Variants in NKAIN3 observed in about 807,000 individuals in gnomAD.
NKAIN3 encodes the protein sodium/potassium transporting ATPase interacting 3.
Under a neutral mutation model 30.2 loss-of-function variants are expected in NKAIN3, and 25 were observed. The ratio of observed to expected loss-of-function variants is 0.83; its 90% confidence interval spans 0.60 to 1.16. NKAIN3 has a LOEUF of 1.16. NKAIN3 is among the 50% of genes most tolerant of loss of function. The probability of loss-of-function intolerance (pLI) is 0.00; values close to 1 mark genes in which losing one functional copy is unlikely to be tolerated. For missense variants in NKAIN3, 225 were observed against 254.1 expected, an observed-to-expected ratio of 0.89 and a Z score of 0.78; for synonymous variants, 91 against 89.6, an observed-to-expected ratio of 1.02 and a Z score of -0.09.
At chr8:62,328,871 A>G (rs1815239317) in intron 1 of NKAIN3, among the ~76,000 whole-genome samples, 1 of 152,114 alleles carries the variant, frequency 6.6e-6, no homozygotes, top group Non-Finnish European at 1.5e-5. Flanking sequence ...GTCTCCTGCT[A>G]CACACCCTTG....
At chr8:62,669,497 A>G (rs891601363) in intron 3 of NKAIN3, among the ~76,000 whole-genome samples, 20 of 152,170 alleles carry the variant, frequency 1.3e-4, no homozygotes, top group South Asian at 2.1e-4. Flanking sequence ...CACATCTTCT[A>G]AATTATTTTA....
chr8:62,271,039 G>T (rs372770986), intron 1 of NKAIN3, among the ~76,000 whole-genome samples: 1 of 152,092 alleles, frequency 6.6e-6, no homozygotes, highest in African/African-American at 2.4e-5. Flanking sequence ...ACATTTCTCA[G>T]TATAAACCAA....
chr8:62,990,799 C>T (rs973701670), intron 5 of NKAIN3: 1 of 152,188 alleles, frequency 6.6e-6, no homozygotes, highest in East Asian at 1.9e-4. Context: ...TAGACCTTTT[C>T]TCATTGTAAA....
intron 1 of NKAIN3, among the ~76,000 whole-genome samples, chr8:62,288,712 G>A (rs550883750): frequency 2.6e-5 from 4 of 152,312 alleles, no homozygotes; most frequent in Admixed American, 6.5e-5. Context: ...ACGTGTGCAT[G>A]TGTCTTTATA....
chr8:62,916,695 G>A (rs2130855997), intron 4 of NKAIN3, among the ~76,000 whole-genome samples: 1 of 152,236 alleles, frequency 6.6e-6, no homozygotes, highest in East Asian at 1.9e-4. Flanking sequence ...ATTTCAACTT[G>A]CAGATTTGCA....
At chr8:62,800,172 A>C (rs1339088588) in intron 4 of NKAIN3, among the ~76,000 whole-genome samples, 1 of 152,202 alleles carries the variant, frequency 6.6e-6, no homozygotes, top group African/African-American at 2.4e-5. Flanking sequence ...GTAACCAAAC[A>C]CTACCCGTTC....
chr8:62,752,596 G>GA (rs932119181), intron 4 of NKAIN3, among the ~76,000 whole-genome samples: 2 of 152,062 alleles, frequency 1.3e-5, no homozygotes, highest in African/African-American at 2.4e-5. Flanking sequence ...ATATTTTCAT[G>GA]AAAAAATATC....
chr8:62,866,890 C>CAAAAAAAAAAA (rs59832626), intron 4 of NKAIN3, among the ~76,000 whole-genome samples: 1 of 125,854 alleles, frequency 7.9e-6, no homozygotes, highest in African/African-American at 3.1e-5. Context: ...ACTAAAAATA[C>CAAAAAAAAAAA]AAAAAAAAAA....
At chr8:62,898,208 T>C (rs1484837356) in intron 4 of NKAIN3, among the ~76,000 whole-genome samples, 1 of 136,386 alleles carries the variant, frequency 7.3e-6, no homozygotes, top group Non-Finnish European at 1.6e-5. Context: ...GTTTGGGCAA[T>C]AAGAAAATGG....
intron 4 of NKAIN3, among the ~76,000 whole-genome samples, chr8:62,869,837 G>A (rs575738674): frequency 1.3e-5 from 2 of 151,888 alleles, no homozygotes; most frequent in Non-Finnish European, 2.9e-5. Context: ...GCGCGATCTC[G>A]GCTCACTGCA....
At chr8:62,271,216 C>T (rs751513499) in intron 1 of NKAIN3, among the ~76,000 whole-genome samples, 4 of 152,188 alleles carry the variant, frequency 2.6e-5, no homozygotes, top group Non-Finnish European at 5.9e-5. Context: ...GTGACCCAAA[C>T]TTTCAACAAA....
chr8:62,976,644 A>G lies in NKAIN3; in HGVS notation c.*11237A>G, dbSNP rs1295218526. On this transcript the variant is annotated 3_prime_UTR_variant, in exon 7 of 7. Coordinates refer to ENST00000623646, the MANE Select transcript of NKAIN3 (RefSeq NM_001304533.3). Reference sequence around the variant, plus strand: ...GTTTTGACTCTTTATCCAATTTGCCAGTCTGTGCCTTTTAATTGGGGCATT... The same window carrying G: ...GTTTTGACTCTTTATCCAATTTGCCGGTCTGTGCCTTTTAATTGGGGCATT... Among the ~76,000 whole-genome samples the G allele has an allele frequency of 6.6e-6, 1 of 152,174 alleles. No individual in the cohort carries two copies. Among genetic ancestry groups the G allele is most frequent in the Non-Finnish European group, 1.5e-5 (1 of 68,022 alleles).
In NKAIN3 at chr8:62,864,116, C is replaced by T. The variant is rs113469260; in HGVS notation, c.472-54337C>T. 1.5e-3 allele frequency: 954 copies of T among 627,184 alleles called. 13 individuals carry two copies. In the African/African-American group the frequency reaches 0.016, roughly 10 times the overall value. The allele number at this position is 627,184 out of a possible 1,614,324, so 38.9% of individuals were successfully genotyped here. On this transcript the variant is annotated intron_variant, in intron 4 of 6. Transcript: ENST00000623646. The stretch of plus-strand genomic sequence containing the variant: ...CGCAAGCGGGGCTACAGGGGCTTCG[C>T]GGAGGTGATGGCGACGCGAGCGCGG...
chr8:62,760,337 T>TGCAGCA (rs1400749854), intron 4 of NKAIN3, among the ~76,000 whole-genome samples: 2 of 152,176 alleles, frequency 1.3e-5, no homozygotes, highest in East Asian at 3.9e-4. Flanking sequence ...GTATGTTTAT[T>TGCAGCA]GCAGCACTAT....
chr8:62,507,328 C>T (rs1041803151), intron 1 of NKAIN3, among the ~76,000 whole-genome samples: 8 of 152,132 alleles, frequency 5.3e-5, no homozygotes, highest in Admixed American at 3.9e-4. Context: ...ACAACGTAAT[C>T]AGTACCTCAG....
At chr8:62,306,028 T>C (rs1814226878) in intron 1 of NKAIN3, among the ~76,000 whole-genome samples, 1 of 150,472 alleles carries the variant, frequency 6.6e-6, no homozygotes, top group Admixed American at 6.6e-5. Flanking sequence ...TCTTGAACTA[T>C]TAATGTTTCT....
chr8:62,744,534 A>T (rs1563542359), intron 3 of NKAIN3, among the ~76,000 whole-genome samples: 1 of 152,228 alleles, frequency 6.6e-6, no homozygotes, highest in East Asian at 1.9e-4. Flanking sequence ...AAGGAATGGA[A>T]ATCGCTATGA....
intron 1 of NKAIN3, among the ~76,000 whole-genome samples, chr8:62,520,882 A>C (rs77395853): frequency 0.017 from 2,587 of 151,932 alleles, 65 homozygotes; most frequent in African/African-American, 0.059. Context: ...AAATGTCACA[A>C]AAATTATTTT....
intron 5 of NKAIN3, among the ~76,000 whole-genome samples, chr8:62,938,607 G>A (rs1349804683): frequency 6.6e-6 from 1 of 152,144 alleles, no homozygotes; most frequent in Non-Finnish European, 1.5e-5. Flanking sequence ...TACCAGCCCA[G>A]AGCCCGGTAG....
Sources: gnomAD v4.1 joint callset for allele counts (sites outside exome capture counted in the v4.1 genomes callset) on GRCh38, gnomAD v4.1.1 for gene constraint, MANE v1.5 for transcripts, NCBI Gene and HGNC (gene_info 2026-07-23, HGNC 2026-07-21) for gene names.